Variants in LPP observed in about 807,000 individuals in gnomAD.
LPP encodes the protein LIM domain containing preferred translocation partner in lipoma.
Under a neutral mutation model 60.4 loss-of-function variants are expected in LPP, and 38 were observed. The observed-to-expected ratio is 0.63, with a 90% CI of 0.49 to 0.83. The LOEUF is 0.83. Among genes scored for constraint, LPP ranks in the 40% least tolerant of loss-of-function variants. LPP has a pLI of 0.00. For synonymous variants in LPP, 328 were observed against 290.8 expected, an observed-to-expected ratio of 1.13 and a Z score of -1.30; for missense variants, 902 against 783.6, an observed-to-expected ratio of 1.15 and a Z score of -1.80.
At chr3:188,331,864 G>A (rs1441556805) in intron 2 of LPP, among the ~76,000 whole-genome samples, 1 of 152,114 alleles carries the variant, frequency 6.6e-6, no homozygotes. Flanking sequence ...CTAAACCTCA[G>A]TTTCCCAAGA....
Position 188,353,492 on chromosome 3 carries a change from G to GA in LPP, c.-10+11781dup, listed in dbSNP as rs952061673. On this transcript the variant is annotated intron_variant, in intron 3 of 11. Coordinates refer to ENST00000617246, the MANE Select transcript of LPP (RefSeq NM_001375462.1). ...ATTATTATCCTTATTTTACAATGAAGAAAAAAAATTCAATTGACTGCTCAA... is the reference window on the plus strand; with the variant it reads ...ATTATTATCCTTATTTTACAATGAAGAAAAAAAAATTCAATTGACTGCTCAA... Among the ~76,000 whole-genome samples the GA allele has an allele frequency of 3.9e-5, 6 of 152,096 alleles. No individual in the cohort carries two copies. The South Asian group carries it at 1.2e-3, about 32-fold the overall frequency.
chr3:188,652,135 G>A (rs1236259955), intron 7 of LPP, among the ~76,000 whole-genome samples: 1 of 152,150 alleles, frequency 6.6e-6, no homozygotes, highest in Non-Finnish European at 1.5e-5. Flanking sequence ...AAATGCAAGA[G>A]AAAAGAGTCT....
At chr3:188,379,672 A>G (rs955848801) in intron 3 of LPP, among the ~76,000 whole-genome samples, 5 of 152,242 alleles carry the variant, frequency 3.3e-5, no homozygotes, top group Non-Finnish European at 5.9e-5. Flanking sequence ...ATACATTTAT[A>G]TAAACATCAT....
intron 7 of LPP, among the ~76,000 whole-genome samples, chr3:188,692,585 T>C (rs532431838): frequency 6.6e-6 from 1 of 152,346 alleles, no homozygotes; most frequent in South Asian, 2.1e-4. Context: ...TGTGCTCTGA[T>C]AGCACATCAT....
intron 1 of LPP, among the ~76,000 whole-genome samples, chr3:188,185,136 A>G (rs1726204198): frequency 1.3e-5 from 2 of 152,088 alleles, no homozygotes; most frequent in Admixed American, 1.3e-4. Flanking sequence ...TAGAGGAGGA[A>G]AGGACTTGAG....
In LPP at chr3:188,602,917, T is replaced by C. The variant is rs1321368882; in HGVS notation, c.430-6244T>C. Among the ~76,000 whole-genome samples, 3 of 151,900 alleles carry C rather than the reference T, an allele frequency of 2.0e-5. No homozygotes were observed. The East Asian group carries it at 5.8e-4, about 29-fold the overall frequency. ...TCTTCAATTGCATGCTTCCTAGTGA[T>C]ACTTACATTTGCCAGTATCCATAAC... On this transcript the variant is annotated intron_variant, in intron 6 of 11. Transcript: ENST00000617246.
intron 6 of LPP, among the ~76,000 whole-genome samples, chr3:188,537,655 T>C (rs1398317631): frequency 6.6e-6 from 1 of 152,178 alleles, no homozygotes; most frequent in Non-Finnish European, 1.5e-5. Flanking sequence ...CAAGATGTAA[T>C]ATTGTTAAGT....
intron 2 of LPP, among the ~76,000 whole-genome samples, chr3:188,304,411 G>A (rs111426151): frequency 1.2e-4 from 19 of 152,130 alleles, no homozygotes; most frequent in Non-Finnish European, 4.4e-5. Context: ...GGCAGAACCA[G>A]GAGTATAATG....
intron 6 of LPP, among the ~76,000 whole-genome samples, chr3:188,561,718 C>CTGCTTCA (rs1371217096): frequency 6.6e-6 from 1 of 151,948 alleles, no homozygotes; most frequent in African/African-American, 2.4e-5. Context: ...TTAAATTACT[C>CTGCTTCA]TGCTTCATTT....
chr3:188,659,147 T>C (rs1854012685), intron 7 of LPP, among the ~76,000 whole-genome samples: 1 of 152,206 alleles, frequency 6.6e-6, no homozygotes, highest in African/African-American at 2.4e-5. Flanking sequence ...AATAACCTGT[T>C]AGGTAGCAGG....
At chr3:188,571,282 A>G (rs1560579230) in intron 6 of LPP, among the ~76,000 whole-genome samples, 1 of 152,056 alleles carries the variant, frequency 6.6e-6, no homozygotes, top group Non-Finnish European at 1.5e-5. Flanking sequence ...ACTAAATGCA[A>G]TAAAAGTGTG....
intron 4 of LPP, among the ~76,000 whole-genome samples, chr3:188,482,505 T>C (rs1579240703): frequency 6.6e-6 from 1 of 152,328 alleles, no homozygotes; most frequent in Middle Eastern, 3.4e-3. Context: ...AATGAAAGTT[T>C]CTCAATCCTG....
At chr3:188,582,618 ATTTG>A (rs1836515205) in intron 6 of LPP, among the ~76,000 whole-genome samples, 2 of 152,108 alleles carry the variant, frequency 1.3e-5, no homozygotes, top group African/African-American at 4.8e-5. Flanking sequence ...TATGATATAA[ATTTG>A]TTTCAGTAAA....
At chr3:188,714,484 C>T (rs1712963746) in intron 8 of LPP, among the ~76,000 whole-genome samples, 1 of 152,100 alleles carries the variant, frequency 6.6e-6, no homozygotes, top group Non-Finnish European at 1.5e-5. Flanking sequence ...CTTCTCTTGA[C>T]CATGGGAGAA....
chr3:188,444,836 G>C (rs536346512), intron 4 of LPP, among the ~76,000 whole-genome samples: 196 of 152,000 alleles, frequency 1.3e-3, no homozygotes, highest in African/African-American at 4.4e-3. Context: ...ATATGAACAG[G>C]CACTTCTCAG....
chr3:188,800,697 C>G (rs772933243), intron 9 of LPP, among the ~76,000 whole-genome samples: 3 of 152,144 alleles, frequency 2.0e-5, no homozygotes, highest in African/African-American at 4.8e-5. Context: ...TCCCCATACT[C>G]TCATTAACCT....
intron 2 of LPP, among the ~76,000 whole-genome samples, chr3:188,281,616 A>AAG (rs1398639307): frequency 0.01 from 1,554 of 150,718 alleles, 25 homozygotes; most frequent in Non-Finnish European, 0.014. Context: ...AAAAAAAAAA[A>AAG]AAAAAAGCTC....
rs117701373 is a variant in LPP, at chr3:188,223,269, A to G, written c.-189-2136A>G. On this transcript the variant is annotated intron_variant, in intron 1 of 11. Transcript: ENST00000617246. ...TTAGATTTAATCTATTCAACAATGT[A>G]TAATTTTTTAAAGGGAAGCTTTTAT... is the stretch of plus-strand genomic sequence containing the variant. 1.0e-3 allele frequency among the ~76,000 whole-genome samples: 152 copies of G among 152,330 alleles called. 2 individuals carry two copies. The East Asian group carries it at 0.021, about 21-fold the overall frequency.
chr3:188,321,707 T>C (rs995961005), intron 2 of LPP, among the ~76,000 whole-genome samples: 1 of 152,210 alleles, frequency 6.6e-6, no homozygotes, highest in Non-Finnish European at 1.5e-5. Flanking sequence ...GCCTTTGAGC[T>C]CTTTGAAAAT....
Sources: allele counts gnomAD v4.1 joint callset (sites outside exome capture counted in the v4.1 genomes callset), GRCh38; gene constraint gnomAD v4.1.1; transcripts MANE v1.5; gene names NCBI Gene and HGNC (gene_info 2026-07-23, HGNC 2026-07-21).